The following B3GALT1 variants were observed in gnomAD, a reference collection of about 807,000 sequenced individuals.
B3GALT1 encodes UDP-Gal:betaGlcNAc beta 1,3-galactosyltransferase, polypeptide 1.
A neutral mutation model predicts 23.2 loss-of-function variants in B3GALT1; 10 were observed. The ratio of observed to expected loss-of-function variants is 0.43; its 90% CI spans 0.27 to 0.73. The LOEUF (loss-of-function observed/expected upper bound fraction) is 0.73. B3GALT1 is among the 30% of genes least tolerant of loss of function. The probability of loss-of-function intolerance (pLI) is 0.21; values close to 1 mark genes in which losing one functional copy is unlikely to be tolerated. For missense variants in B3GALT1, 299 were observed against 405.4 expected, an observed-to-expected ratio of 0.74 and a Z score of 2.25; for synonymous variants, 156 against 141.5, an observed-to-expected ratio of 1.10 and a Z score of -0.73.
intron 2 of B3GALT1, among the ~76,000 whole-genome samples, chr2:167,633,914 A>G (rs1383414128): frequency 6.6e-6 from 1 of 152,052 alleles, no homozygotes; most frequent in Non-Finnish European, 1.5e-5. Context: ...ACCACATCAC[A>G]ATTATTCTAA....
At chr2:167,699,123 A>G (rs1042034765) in intron 3 of B3GALT1, among the ~76,000 whole-genome samples, 5 of 152,216 alleles carry the variant, frequency 3.3e-5, no homozygotes, top group African/African-American at 1.2e-4. Context: ...GGTTACGGGA[A>G]AGATACCACA....
At chr2:167,528,113 C>T (rs1267597739) in intron 2 of B3GALT1, among the ~76,000 whole-genome samples, 1 of 152,142 alleles carries the variant, frequency 6.6e-6, no homozygotes, top group Non-Finnish European at 1.5e-5. Context: ...GATCCTTCAC[C>T]TGCACTTAGA....
At chr2:167,434,490 T>C (rs756121051) in intron 1 of B3GALT1, among the ~76,000 whole-genome samples, 3 of 146,958 alleles carry the variant, frequency 2.0e-5, no homozygotes, top group East Asian at 2.0e-4. Flanking sequence ...TCATAATTAC[T>C]TCAATATATC....
Position 167,871,891 on chromosome 2 carries a change from C to CTTTTTTTTTTTTTTTTT in B3GALT1, c.*1883_*1899dup, listed in dbSNP as rs397870339. 7.8e-4 allele frequency: 49 copies of CTTTTTTTTTTTTTTTTT among 62,462 alleles called. 3 individuals carry two copies. The highest frequency in any genetic ancestry group is 1.1e-3 in the Non-Finnish European group (35 of 32,554). The allele number at this position is 62,462 out of a possible 1,614,324, so 3.9% of individuals were successfully genotyped here. On this transcript the variant is annotated 3_prime_UTR_variant, in exon 5 of 5. Coordinates refer to ENST00000392690, the MANE Select transcript of B3GALT1 (RefSeq NM_020981.4). ...AGAGTGTACCTTTTTTATTTATTTA[C>CTTTTTTTTTTTTTTTTT]TTTTTTTTTTTTTTTTTTTTTTTTT...
intron 3 of B3GALT1, among the ~76,000 whole-genome samples, chr2:167,751,828 G>A (rs1319422262): frequency 1.3e-5 from 2 of 152,184 alleles, no homozygotes; most frequent in East Asian, 1.9e-4. Flanking sequence ...CTGATCAAAC[G>A]ATGAGTAGAT....
intron 3 of B3GALT1, among the ~76,000 whole-genome samples, chr2:167,693,542 T>C (rs1318679372): frequency 6.6e-6 from 1 of 152,090 alleles, no homozygotes. Flanking sequence ...GCAGAAACTG[T>C]TATTTGGGGG....
intron 3 of B3GALT1, among the ~76,000 whole-genome samples, chr2:167,720,641 T>C (rs1687216445): frequency 6.6e-6 from 1 of 152,254 alleles, no homozygotes; most frequent in Non-Finnish European, 1.5e-5. Context: ...TTCGTTCATC[T>C]ACTCAGTGTC....
At chr2:167,541,794 C>A (rs1340277980) in intron 2 of B3GALT1, among the ~76,000 whole-genome samples, 1 of 152,038 alleles carries the variant, frequency 6.6e-6, no homozygotes, top group African/African-American at 2.4e-5. Flanking sequence ...ATTCATTATT[C>A]CTAATTAACC....
At chr2:167,622,638 G>A (rs1402720784) in intron 2 of B3GALT1, among the ~76,000 whole-genome samples, 1 of 151,998 alleles carries the variant, frequency 6.6e-6, no homozygotes, top group Non-Finnish European at 1.5e-5. Flanking sequence ...TTCATCATGT[G>A]TAAGATACAC....
chr2:167,849,049 A>T lies in B3GALT1; in HGVS notation c.-229-19762A>T, dbSNP rs190385966. On this transcript the variant is annotated intron_variant, in intron 4 of 4. Coordinates refer to ENST00000392690, the MANE Select transcript of B3GALT1 (RefSeq NM_020981.4). ...GGAGTCAGAAGACCTCTGCAGGGAA[A>T]ACTATGAGACACTGCTGAAAGAAAT... is the stretch of plus-strand genomic sequence containing the variant. Among the ~76,000 whole-genome samples the T allele has an allele frequency of 4.6e-5, 7 of 152,346 alleles. No individual in the cohort carries two copies. In the East Asian group the frequency reaches 9.6e-4, roughly 21 times the overall value.
intron 3 of B3GALT1, among the ~76,000 whole-genome samples, chr2:167,703,267 G>T (rs1250486404): frequency 6.6e-6 from 1 of 152,144 alleles, no homozygotes; most frequent in Non-Finnish European, 1.5e-5. Flanking sequence ...GAACAGCCAG[G>T]TTTCAAACTC....
intron 3 of B3GALT1, among the ~76,000 whole-genome samples, chr2:167,682,105 C>G (rs1470396391): frequency 6.6e-6 from 1 of 152,092 alleles, no homozygotes; most frequent in Non-Finnish European, 1.5e-5. Flanking sequence ...CTCACTTCTC[C>G]CCATCCTGTT....
chr2:167,613,980 G>A (rs564230816), intron 2 of B3GALT1, among the ~76,000 whole-genome samples: 4 of 151,652 alleles, frequency 2.6e-5, no homozygotes, highest in Admixed American at 2.6e-4. Flanking sequence ...GTTTATTAAA[G>A]GCTATGATGA....
At chr2:167,667,684 G>A (rs975575864) in intron 3 of B3GALT1, among the ~76,000 whole-genome samples, 6 of 152,126 alleles carry the variant, frequency 3.9e-5, no homozygotes, top group East Asian at 1.9e-4. Context: ...TTCCCTTCTC[G>A]CTTCATTTCA....
chr2:167,543,654 TATC>T (rs1683574167), intron 2 of B3GALT1, among the ~76,000 whole-genome samples: 1 of 152,230 alleles, frequency 6.6e-6, no homozygotes, highest in Non-Finnish European at 1.5e-5. Flanking sequence ...TGAAGCTTAT[TATC>T]ATTCATAAAA....
At position 167,872,222 on chromosome 2, in the gene B3GALT1, C is replaced by G. The variant is rs564450708; in HGVS notation, c.*2202C>G. ...CGGCCCTATTTACTTATTTTTTAAC[C>G]TGACCCCTGGAGCCCCCCGTAGGAG... On this transcript the variant is annotated 3_prime_UTR_variant, in exon 5 of 5. Transcript: ENST00000392690. The G allele has an allele frequency of 6.6e-6, 1 of 152,042 alleles. No individual in the cohort carries two copies. The highest frequency in any genetic ancestry group is 1.5e-5 in the Non-Finnish European group (1 of 68,098). 9.4% of individuals were successfully genotyped at this position (152,042 alleles called of 1,614,324 possible).
At chr2:167,554,450 G>A (rs1052173979) in intron 2 of B3GALT1, among the ~76,000 whole-genome samples, 1 of 152,128 alleles carries the variant, frequency 6.6e-6, no homozygotes, top group Non-Finnish European at 1.5e-5. Flanking sequence ...GGTAACAGCC[G>A]AAGGTAACAC....
At chr2:167,419,929 G>C (rs913142677) in intron 1 of B3GALT1, among the ~76,000 whole-genome samples, 5 of 152,156 alleles carry the variant, frequency 3.3e-5, no homozygotes, top group Non-Finnish European at 7.3e-5. Flanking sequence ...AATGAGAGTA[G>C]TTCATGCTAA....
chr2:167,421,490 T>A (rs1698546057), intron 1 of B3GALT1, among the ~76,000 whole-genome samples: 1 of 152,208 alleles, frequency 6.6e-6, no homozygotes, highest in African/African-American at 2.4e-5. Flanking sequence ...TTACTCTTTA[T>A]AGGTAGAGTT....
Sources: gnomAD v4.1 joint callset for allele counts (sites outside exome capture counted in the v4.1 genomes callset) on GRCh38, gnomAD v4.1.1 for gene constraint, MANE v1.5 for transcripts, NCBI Gene and HGNC (gene_info 2026-07-23, HGNC 2026-07-21) for gene names.